The following CSMD1 variants were observed in gnomAD, a reference collection of about 807,000 sequenced individuals.
The protein encoded by CSMD1 is CUB and Sushi multiple domains 1.
Under a neutral mutation model 417.5 loss-of-function variants are expected in CSMD1, and 213 were observed. The ratio of observed to expected loss-of-function variants is 0.51; its 90% CI spans 0.46 to 0.57. CSMD1 has a LOEUF of 0.57. Ranked by LOEUF, CSMD1 falls within the 20% of genes least tolerant of loss-of-function variation. The probability of loss-of-function intolerance (pLI) is 0.00; values close to 1 mark genes in which losing one functional copy is unlikely to be tolerated. For synonymous variants in CSMD1, 2,862 were observed against 1,736.8 expected, an observed-to-expected ratio of 1.65 and a Z score of -16.11; for missense variants, 6,923 against 4,529.7, an observed-to-expected ratio of 1.53 and a Z score of -15.17.
At chr8:3,460,816 G>C (rs1198779378) in intron 12 of CSMD1, among the ~76,000 whole-genome samples, 1 of 152,144 alleles carries the variant, frequency 6.6e-6, no homozygotes, top group Admixed American at 6.5e-5. Flanking sequence ...CCGCACTCTG[G>C]GTAAGAACAG....
chr8:3,432,671 A>G (rs1814291313), intron 12 of CSMD1, among the ~76,000 whole-genome samples: 1 of 151,960 alleles, frequency 6.6e-6, no homozygotes, highest in African/African-American at 2.4e-5. Flanking sequence ...GTGTGCCACC[A>G]CACCCAGCTA....
intron 2 of CSMD1, among the ~76,000 whole-genome samples, chr8:4,497,634 G>C (rs148343544): frequency 5.1e-4 from 78 of 152,266 alleles, no homozygotes; most frequent in African/African-American, 1.8e-3. Flanking sequence ...AGACAGGTAA[G>C]AATGGGAACT....
At chr8:2,956,387 A>T (rs1490569117) in intron 63 of CSMD1, among the ~76,000 whole-genome samples, 3 of 152,080 alleles carry the variant, frequency 2.0e-5, no homozygotes, top group Non-Finnish European at 4.4e-5. Context: ...GTTTGCATAC[A>T]TGCTGCAAAT....
intron 3 of CSMD1, among the ~76,000 whole-genome samples, chr8:4,313,125 C>G (rs1325583526): frequency 1.3e-5 from 2 of 152,068 alleles, no homozygotes; most frequent in South Asian, 4.1e-4. Context: ...CTTATTGGTC[C>G]CTTAGACAGT....
chr8:4,965,527 G>T (rs17071935), intron 1 of CSMD1, among the ~76,000 whole-genome samples: 1 of 152,132 alleles, frequency 6.6e-6, no homozygotes, highest in Admixed American at 6.6e-5. Flanking sequence ...TGGGGCATGT[G>T]GCCCTGGCCA....
At chr8:3,833,218 C>G (rs997958068) in intron 5 of CSMD1, among the ~76,000 whole-genome samples, 3 of 152,004 alleles carry the variant, frequency 2.0e-5, no homozygotes, top group African/African-American at 7.2e-5. Flanking sequence ...ATTTTTTTGT[C>G]CGTACTGTAA....
intron 3 of CSMD1, among the ~76,000 whole-genome samples, chr8:4,255,699 T>C (rs1331997243): frequency 6.6e-6 from 1 of 152,230 alleles, no homozygotes; most frequent in Non-Finnish European, 1.5e-5. Context: ...AGTTGAATTA[T>C]CTTAGGCACT....
intron 3 of CSMD1, among the ~76,000 whole-genome samples, chr8:4,037,709 C>G (rs1001495606): frequency 6.6e-6 from 1 of 152,098 alleles, no homozygotes; most frequent in African/African-American, 2.4e-5. Context: ...AATGAGATAA[C>G]AGGTCTCCAA....
intron 2 of CSMD1, among the ~76,000 whole-genome samples, chr8:4,624,291 G>C (rs542880476): frequency 3.3e-4 from 51 of 152,268 alleles, no homozygotes; most frequent in African/African-American, 1.2e-3. Context: ...AGTAGGGAAA[G>C]GGTTAGCTAG....
At chr8:4,127,677 G>T (rs538732560) in intron 3 of CSMD1, among the ~76,000 whole-genome samples, 1 of 152,146 alleles carries the variant, frequency 6.6e-6, no homozygotes, top group African/African-American at 2.4e-5. Flanking sequence ...TTATAAGGAA[G>T]ATATTAAATA....
rs755766717 is a variant in CSMD1, at chr8:3,406,121, A to C, written c.2172T>G (p.Asp724Glu). The C allele has an allele frequency of 1.9e-6, 3 of 1,613,986 alleles. No individual in the cohort carries two copies. The highest frequency in any genetic ancestry group is 2.5e-6 in the Non-Finnish European group (3 of 1,179,892). The change falls in exon 15 of 70, where the codon GAT becomes GAG. Residue 724 changes from aspartate to glutamate, a missense_variant. By Grantham distance (45) the Asp-to-Glu change is conservative. Transcript: ENST00000635120. ...ATCCCTGGGTCTTGACAAAGCCATC[A>C]TCACAGTGGAAAGAAACCGAGCTCC... is the stretch of plus-strand genomic sequence containing the variant. ...LLGSSVSFHC[D>E]DGFVKTQGSE...
At chr8:3,193,427 T>C (rs1285726638) in intron 33 of CSMD1, among the ~76,000 whole-genome samples, 2 of 152,020 alleles carry the variant, frequency 1.3e-5, no homozygotes, top group Non-Finnish European at 2.9e-5. Context: ...GGAGAAGCTG[T>C]GGAATTGAGA....
At chr8:3,212,454 T>C (rs946103774) in intron 30 of CSMD1, among the ~76,000 whole-genome samples, 13 of 152,220 alleles carry the variant, frequency 8.5e-5, no homozygotes, top group African/African-American at 3.1e-4. Flanking sequence ...GCTCCAGCGA[T>C]CCTCCTACCT....
At chr8:4,395,197 G>C (rs1804118497) in intron 3 of CSMD1, among the ~76,000 whole-genome samples, 2 of 152,164 alleles carry the variant, frequency 1.3e-5, no homozygotes, top group African/African-American at 4.8e-5. Flanking sequence ...CCAGAGATGA[G>C]AGAACATCAG....
chr8:3,010,743 C>CA (rs1808321527), intron 52 of CSMD1, among the ~76,000 whole-genome samples: 1 of 151,432 alleles, frequency 6.6e-6, no homozygotes, highest in African/African-American at 2.4e-5. Flanking sequence ...ATTCTATTCC[C>CA]AACTTTTTTT....
intron 23 of CSMD1, among the ~76,000 whole-genome samples, chr8:3,336,705 G>A (rs1227180162): frequency 6.6e-6 from 1 of 152,160 alleles, no homozygotes; most frequent in East Asian, 1.9e-4. Flanking sequence ...CCCGATGTGG[G>A]CGAGAGCCCT....
At chr8:3,915,415 A>AG (rs1383004892) in intron 5 of CSMD1, among the ~76,000 whole-genome samples, 1 of 150,408 alleles carries the variant, frequency 6.6e-6, no homozygotes, top group Admixed American at 6.6e-5. Context: ...CAAAAAAAAA[A>AG]AAAAAAAAAA....
intron 6 of CSMD1, among the ~76,000 whole-genome samples, chr8:3,729,922 TAAAAAAAAAAAAAAAAAAA>T (rs1160679199): frequency 2.1e-5 from 1 of 47,062 alleles, no homozygotes; most frequent in Non-Finnish European, 3.5e-5. Flanking sequence ...CAATTCAAAG[TAAAAAAAAAAAAAAAAAAA>T]AAAAAAAAAA....
chr8:3,666,371 G>C (rs1193128424), intron 7 of CSMD1, among the ~76,000 whole-genome samples: 4 of 152,216 alleles, frequency 2.6e-5, no homozygotes, highest in African/African-American at 9.6e-5. Flanking sequence ...GACATATTCA[G>C]TAGAGTTCAA....
Sources: gnomAD v4.1 joint callset for allele counts (sites outside exome capture counted in the v4.1 genomes callset) on GRCh38, gnomAD v4.1.1 for gene constraint, MANE v1.5 for transcripts, NCBI Gene and HGNC (gene_info 2026-07-23, HGNC 2026-07-21) for gene names.